Variants in SACM1L observed in about 807,000 individuals in gnomAD.
SACM1L encodes the protein phosphatidylinositol-3-phosphatase SAC1.
SACM1L carries 32 observed loss-of-function variants against 89.5 expected under a neutral mutation model. That is an observed-to-expected ratio of 0.36 (90% CI 0.27 to 0.48). The LOEUF (loss-of-function observed/expected upper bound fraction) is 0.48, where lower values mean the gene tolerates loss of function less well. Among genes scored for constraint, SACM1L ranks in the 20% least tolerant of loss-of-function variants. The pLI is 0.99. For synonymous variants in SACM1L, 213 were observed against 232.8 expected (o/e 0.92, Z 0.77); for missense variants, 543 against 708.5 (o/e 0.77, Z 2.65).
At chr3:45,727,983 A>G (rs1482554810) in intron 11 of SACM1L, among the ~76,000 whole-genome samples, 2 of 152,208 alleles carry the variant, frequency 1.3e-5, no homozygotes, top group Non-Finnish European at 2.9e-5. Context: ...TTTGTTGCAT[A>G]TATGTTTATA....
At chr3:45,731,272 G>A (rs765055474) in intron 11 of SACM1L, 29 bp from the exon 12 acceptor site, 2 of 1,490,648 alleles carry the variant, frequency 1.3e-6, no homozygotes, top group Non-Finnish European at 1.9e-6. Context: ...AAATAAACTG[G>A]AAACTATGGT....
intron 1 of SACM1L, among the ~76,000 whole-genome samples, chr3:45,690,842 A>G (rs758560592): frequency 1.3e-5 from 2 of 152,212 alleles, no homozygotes; most frequent in African/African-American, 4.8e-5. Context: ...GGCCACTGTC[A>G]CATGTGCTCT....
intron 7 of SACM1L, among the ~76,000 whole-genome samples, 162 bp downstream of exon 7, chr3:45,714,241 GT>G (rs71619608): frequency 5.1e-3 from 47 of 9,160 alleles, no homozygotes; most frequent in African/African-American, 5.9e-3. Flanking sequence ...TATTTTGTTT[GT>G]TTTTTTTTTT....
intron 1 of SACM1L, among the ~76,000 whole-genome samples, chr3:45,693,735 CACTT>C (rs1698058523): frequency 6.6e-6 from 1 of 152,146 alleles, no homozygotes; most frequent in Non-Finnish European, 1.5e-5. Flanking sequence ...TGAAATGAGT[CACTT>C]ACAACCAAAT....
chr3:45,709,609 A>G lies in SACM1L; in HGVS notation c.445A>G (p.Thr149Ala), dbSNP rs142396849. The part of the protein sequence containing the change: ...LTHTLQRLSN[T>A]SPEFQEMSLL... ...CCATACTTTGCAGCGGCTATCCAAC[A>G]CTAGTCCTGAATTCCAAGAAATGAG... The change falls in exon 5 of 20, where the codon ACT becomes GCT. Residue 149 changes from threonine (T) to alanine (A), a missense_variant. Transcript: ENST00000389061. 4 of 1,613,490 alleles carry G rather than the reference A, an allele frequency of 2.5e-6. No homozygotes were observed. The highest frequency in any genetic ancestry group is 1.1e-5 in the South Asian group (1 of 90,964).
At chr3:45,714,193 A>G (rs1698589843) in intron 7 of SACM1L, 114 bp downstream of exon 7, 1 of 526,724 alleles carries the variant, frequency 1.9e-6, no homozygotes, top group Admixed American at 4.0e-5. Context: ...TTCAGAATTA[A>G]TATAAATTGC....
At chr3:45,720,827 T>G (rs929415745) in intron 8 of SACM1L, among the ~76,000 whole-genome samples, 2 of 152,212 alleles carry the variant, frequency 1.3e-5, no homozygotes, top group African/African-American at 4.8e-5. Flanking sequence ...ATATGGTAAC[T>G]AAAACAGTGA....
intron 2 of SACM1L, among the ~76,000 whole-genome samples, chr3:45,704,869 A>G (rs746581090): frequency 6.6e-6 from 1 of 152,210 alleles, no homozygotes; most frequent in Non-Finnish European, 1.5e-5. Context: ...AATGCAGACT[A>G]TGTTATTCCT....
At chr3:45,712,669 A>T (rs1386774324) in intron 5 of SACM1L, among the ~76,000 whole-genome samples, 1 of 152,156 alleles carries the variant, frequency 6.6e-6, no homozygotes, top group Non-Finnish European at 1.5e-5. Flanking sequence ...CCATGCAGAG[A>T]TTTGGTTCTT....
At chr3:45,706,135 T>C (rs1698386510) in intron 3 of SACM1L, among the ~76,000 whole-genome samples, 1 of 152,144 alleles carries the variant, frequency 6.6e-6, no homozygotes, top group Non-Finnish European at 1.5e-5. Context: ...GGGGAACTTG[T>C]GGGTAGAATG....
At chr3:45,743,158 TA>T (rs1478591782) in intron 19 of SACM1L, among the ~76,000 whole-genome samples, 2 of 151,860 alleles carry the variant, frequency 1.3e-5, no homozygotes, top group African/African-American at 4.8e-5. Context: ...TTAAACTTAA[TA>T]GTTATTTGTA....
intron 4 of SACM1L, among the ~76,000 whole-genome samples, chr3:45,707,840 A>G (rs1248165915): frequency 2.0e-5 from 3 of 152,202 alleles, no homozygotes; most frequent in East Asian, 1.9e-4. Context: ...AATATTCTGT[A>G]TCTTAATCTA....
chr3:45,709,079 G>A lies in SACM1L; in HGVS notation c.334-419G>A, dbSNP rs144808615. 2.3e-3 allele frequency among the ~76,000 whole-genome samples: 352 copies of A among 152,250 alleles called. 4 individuals are homozygous for A. The highest frequency in any genetic ancestry group is 7.3e-3 in the African/African-American group (302 of 41,556). On this transcript the variant is annotated intron_variant, in intron 4 of 19. Transcript: ENST00000389061. Reference sequence around the variant, plus strand: ...ATTTGCTGTTTGCATTATTGGGCCCGTCGTAAATTTATGTGTTTTATTTGT... The same window carrying A: ...ATTTGCTGTTTGCATTATTGGGCCCATCGTAAATTTATGTGTTTTATTTGT...
chr3:45,699,434 ATGTTT>A (rs891179138), intron 1 of SACM1L, among the ~76,000 whole-genome samples: 37 of 150,192 alleles, frequency 2.5e-4, no homozygotes, highest in Admixed American at 1.2e-3. Context: ...CTTTATAAAA[ATGTTT>A]TGTTTTTATA....
At chr3:45,734,106 T>C (rs2125704139) in intron 13 of SACM1L, among the ~76,000 whole-genome samples, 1 of 138,242 alleles carries the variant, frequency 7.2e-6, no homozygotes, top group Non-Finnish European at 1.5e-5. Context: ...GTATTACCCA[T>C]TTAAGAATTT....
At chr3:45,704,262 C>T (rs540510261) in intron 2 of SACM1L, among the ~76,000 whole-genome samples, 1 of 152,046 alleles carries the variant, frequency 6.6e-6, no homozygotes, top group African/African-American at 2.4e-5. Flanking sequence ...TCTTAAAGTA[C>T]AATATTTGAA....
chr3:45,732,251 T>G, intron 13 of SACM1L, 100 bp downstream of exon 13: 8 of 567,688 alleles, frequency 1.4e-5, no homozygotes, highest in Non-Finnish European at 2.2e-5. Context: ...TACAGTTCAC[T>G]GGATTGTCAT....
chr3:45,722,332 T>C (rs1406689273), intron 9 of SACM1L, among the ~76,000 whole-genome samples: 1 of 151,964 alleles, frequency 6.6e-6, no homozygotes, highest in Non-Finnish European at 1.5e-5. Context: ...AAGAGAGTTA[T>C]GGAAATGGAG....
At chr3:45,737,381 G>T in intron 14 of SACM1L, 1 of 588,578 alleles carries the variant, frequency 1.7e-6, no homozygotes, top group Admixed American at 3.4e-5. Flanking sequence ...CAAGGCAAAG[G>T]TGCCCTCAGG....
Sources: gnomAD v4.1 joint callset for allele counts (sites outside exome capture counted in the v4.1 genomes callset) on GRCh38, gnomAD v4.1.1 for gene constraint, MANE v1.5 for transcripts, NCBI Gene and HGNC (gene_info 2026-07-23, HGNC 2026-07-21) for gene names.